The following RIPOR2 variants were observed in gnomAD, a reference collection of about 807,000 sequenced individuals.
RIPOR2 encodes RHO family interacting cell polarization regulator 2.
Under a neutral mutation model 114.5 loss-of-function variants are expected in RIPOR2, and 39 were observed. That is an observed-to-expected ratio of 0.34 (90% CI 0.26 to 0.44). The LOEUF is 0.44. Among genes scored for constraint, RIPOR2 ranks in the 20% least tolerant of loss-of-function variants. RIPOR2 has a pLI of 1.00. For missense variants in RIPOR2, 1,007 were observed against 1,255.1 expected, an observed-to-expected ratio of 0.80 and a Z score of 2.99; for synonymous variants, 445 against 484.4, an observed-to-expected ratio of 0.92 and a Z score of 1.07.
intron 1 of RIPOR2, among the ~76,000 whole-genome samples, chr6:25,028,200 C>T (rs1331733272): frequency 6.6e-6 from 1 of 152,158 alleles, no homozygotes; most frequent in Non-Finnish European, 1.5e-5. Flanking sequence ...CCAAATATCT[C>T]CTTAGCTGCC....
At chr6:24,849,211 G>A (rs1484024639) in intron 11 of RIPOR2, among the ~76,000 whole-genome samples, 2 of 152,162 alleles carry the variant, frequency 1.3e-5, no homozygotes, top group Non-Finnish European at 2.9e-5. Context: ...GGAGCTGCTA[G>A]TGTTAATAAC....
intron 1 of RIPOR2, among the ~76,000 whole-genome samples, chr6:25,021,770 C>T (rs1206817255): frequency 6.6e-6 from 1 of 151,950 alleles, no homozygotes; most frequent in Non-Finnish European, 1.5e-5. Flanking sequence ...CACCTGTTCC[C>T]AAAAAACCTA....
Position 25,037,209 on chromosome 6 carries a change from C to T in RIPOR2, c.76+4642G>A, listed in dbSNP as rs1211466312. On this transcript the variant is annotated intron_variant, in intron 1 of 13. Transcript: ENST00000510784. This position sits in a 1 kb window ranked among gnomAD's most constrained non-coding sequence, Gnocchi z 4.5. ...TCAGGGAGGTGGAATAAATTGCCCA[C>T]AGGCCAACAGCTAAGAAGTTGTAGA... Among the ~76,000 whole-genome samples the T allele has an allele frequency of 6.6e-6, 1 of 152,170 alleles. No individual in the cohort carries two copies. The highest frequency in any genetic ancestry group is 2.1e-4 in the South Asian group (1 of 4,826).
At chr6:24,994,748 T>A (rs888601726) in intron 1 of RIPOR2, among the ~76,000 whole-genome samples, 1 of 151,936 alleles carries the variant, frequency 6.6e-6, no homozygotes, top group African/African-American at 2.4e-5. Flanking sequence ...TAATGACCAA[T>A]AGCACCATGA....
At chr6:24,958,634 T>G (rs1261646157) in intron 1 of RIPOR2, among the ~76,000 whole-genome samples, 3 of 152,204 alleles carry the variant, frequency 2.0e-5, no homozygotes, top group Non-Finnish European at 4.4e-5. Context: ...TGATGTTTGA[T>G]GAGCTACACT....
chr6:24,963,485 AATAAT>A (rs1773394905), intron 1 of RIPOR2, among the ~76,000 whole-genome samples: 1 of 152,238 alleles, frequency 6.6e-6, no homozygotes, highest in Admixed American at 6.5e-5. Context: ...ACAAGTGTAA[AATAAT>A]AGAATAGAAC....
chr6:24,827,930 T>C (rs1319090774), intron 18 of RIPOR2, among the ~76,000 whole-genome samples: 1 of 152,178 alleles, frequency 6.6e-6, no homozygotes, highest in Non-Finnish European at 1.5e-5. Context: ...CTCTGCCAGA[T>C]GATTGAGTTG....
At chr6:24,904,462 T>C (rs144740312) in intron 1 of RIPOR2, among the ~76,000 whole-genome samples, 1 of 152,276 alleles carries the variant, frequency 6.6e-6, no homozygotes, top group East Asian at 1.9e-4. Flanking sequence ...TAAGGACAAA[T>C]AGAATTAGAT....
chr6:24,857,657 T>C (rs1763612171), intron 8 of RIPOR2, among the ~76,000 whole-genome samples: 1 of 152,216 alleles, frequency 6.6e-6, no homozygotes, highest in African/African-American at 2.4e-5. Context: ...GTTACTGATC[T>C]ATTGACCAGG....
intron 9 of RIPOR2, 45 bp from the exon 10 acceptor site, chr6:24,850,767 C>T (rs770293988): frequency 1.9e-5 from 30 of 1,609,318 alleles, no homozygotes; most frequent in Non-Finnish European, 2.3e-5. Context: ...GCCACCCCCT[C>T]TTCTCCACCA....
chr6:24,936,035 A>G, upstream of RIPOR2: 1 of 627,640 alleles, frequency 1.6e-6, no homozygotes, highest in Non-Finnish European at 2.8e-6. Flanking sequence ...GCCCTGAAGA[A>G]AGCAGTTTCA....
chr6:24,967,573 CA>C (rs1397425591), intron 1 of RIPOR2, among the ~76,000 whole-genome samples: 1 of 152,154 alleles, frequency 6.6e-6, no homozygotes, highest in African/African-American at 2.4e-5. Flanking sequence ...GTGCATTTCC[CA>C]TATGACTGTA....
At chr6:24,928,863 T>C (rs1379146499) in intron 1 of RIPOR2, among the ~76,000 whole-genome samples, 1 of 152,202 alleles carries the variant, frequency 6.6e-6, no homozygotes, top group Non-Finnish European at 1.5e-5. Flanking sequence ...TAGATCCGAG[T>C]GTGTTCTCTC....
In RIPOR2 at chr6:24,879,627, CAGGGTAGTGTAG is replaced by C. The variant is rs1306342171; in HGVS notation, c.62-3822_62-3811del. Among the ~76,000 whole-genome samples, 42 of 152,228 alleles carry C rather than the reference CAGGGTAGTGTAG, an allele frequency of 2.8e-4. No individual in the cohort carries two copies. The East Asian group carries it at 5.2e-3, about 19-fold the overall frequency. On this transcript the variant is annotated intron_variant, in intron 1 of 21. Coordinates refer to ENST00000643898, the MANE Select transcript of RIPOR2 (RefSeq NM_001286445.3). Reference sequence around the variant, plus strand: ...AAGAAATAAAAGGAGGAGGTTGGGGCAGGGTAGTGTAGAGGTATTAGGGACAAAAGTATACAA... The same window carrying C: ...AAGAAATAAAAGGAGGAGGTTGGGGCAGGTATTAGGGACAAAAGTATACAA...
chr6:24,929,739 A>G (rs1306594631), intron 1 of RIPOR2, among the ~76,000 whole-genome samples: 1 of 152,194 alleles, frequency 6.6e-6, no homozygotes, highest in Non-Finnish European at 1.5e-5. Context: ...CCGAAAATAA[A>G]TGAGAAGTTG....
At chr6:25,013,385 G>A (rs994457395) in intron 1 of RIPOR2, among the ~76,000 whole-genome samples, 1 of 152,156 alleles carries the variant, frequency 6.6e-6, no homozygotes, top group East Asian at 1.9e-4. Context: ...ACAGTGTAGG[G>A]CAGGGGGAAT....
At chr6:25,028,483 T>C (rs780339429) in intron 1 of RIPOR2, among the ~76,000 whole-genome samples, 3 of 152,246 alleles carry the variant, frequency 2.0e-5, no homozygotes, top group Non-Finnish European at 4.4e-5. Context: ...TAATAAGTCC[T>C]TTAACTTCTC....
chr6:25,031,698 GTTATATATATATATATATATAT>G (rs1388912913), intron 1 of RIPOR2, among the ~76,000 whole-genome samples: 2 of 48,020 alleles, frequency 4.2e-5, no homozygotes, highest in African/African-American at 1.5e-4. Flanking sequence ...GTAGGTGGTA[GTTATATATATATATATATATAT>G]ATATATATAT....
intron 1 of RIPOR2, among the ~76,000 whole-genome samples, chr6:24,905,926 A>G (rs974420270): frequency 6.6e-6 from 1 of 152,210 alleles, no homozygotes; most frequent in African/African-American, 2.4e-5. Flanking sequence ...TTTAACATCC[A>G]AAACAATTTG....
Sources: gnomAD v4.1 joint callset for allele counts (sites outside exome capture counted in the v4.1 genomes callset) on GRCh38, gnomAD v4.1.1 for gene constraint, Gnocchi (gnomAD v3.1) non-coding constraint, MANE v1.5 for transcripts, NCBI Gene and HGNC (gene_info 2026-07-23, HGNC 2026-07-21) for gene names.